The following EPB41L4A variants were observed in gnomAD, a reference collection of about 807,000 sequenced individuals.
EPB41L4A encodes the protein band 4.1-like protein 4A.
A neutral mutation model predicts 108.6 loss-of-function variants in EPB41L4A; 100 were observed. The observed-to-expected ratio is 0.92, with a 90% CI of 0.78 to 1.09. The LOEUF is 1.09. Among genes scored for constraint, EPB41L4A ranks in the 50% least tolerant of loss-of-function variants. The probability of loss-of-function intolerance (pLI) is 0.00; values close to 1 mark genes in which losing one functional copy is unlikely to be tolerated. For synonymous variants in EPB41L4A, 319 were observed against 289.0 expected, an observed-to-expected ratio of 1.10 and a Z score of -1.05; for missense variants, 1,030 against 842.7, an observed-to-expected ratio of 1.22 and a Z score of -2.75.
intron 1 of EPB41L4A, among the ~76,000 whole-genome samples, chr5:112,364,661 T>G (rs1022095078): frequency 6.6e-6 from 1 of 152,212 alleles, no homozygotes; most frequent in Non-Finnish European, 1.5e-5. Flanking sequence ...TCTAAAAAGT[T>G]TATCTGATTT....
intron 18 of EPB41L4A, among the ~76,000 whole-genome samples, chr5:112,179,891 G>A (rs572653604): frequency 1.3e-5 from 2 of 152,096 alleles, no homozygotes; most frequent in Non-Finnish European, 2.9e-5. Flanking sequence ...AAATATGATT[G>A]TAACCGCAGA....
intron 1 of EPB41L4A, among the ~76,000 whole-genome samples, chr5:112,378,901 A>G (rs555963456): frequency 1.5e-4 from 23 of 152,220 alleles, no homozygotes; most frequent in Admixed American, 2.0e-4. Flanking sequence ...AACCCACACT[A>G]TTTTTGTATC....
chr5:112,218,095 GAC>G (rs1171169150), intron 12 of EPB41L4A, among the ~76,000 whole-genome samples: 7 of 152,224 alleles, frequency 4.6e-5, no homozygotes, highest in African/African-American at 1.7e-4. Context: ...GGTACTCACA[GAC>G]AGTCCTCCTT....
chr5:112,204,430 G>A lies in EPB41L4A; in HGVS notation c.1321C>T (p.Arg441Cys), dbSNP rs773872614. Residue 441 changes from arginine (R) to cysteine (C), a missense_variant, in exon 15 of 23, where the codon CGC becomes TGC. Transcript: ENST00000261486. ...TCACTTCCACAGGAGGGGTTTCGGC[G>A]ACGCGTGTAAGGGAACTTTGGCGAC... ...TKSPKFPYTR[R>C]RNPSCGSDND... is the part of the protein sequence containing the mutation. 2.9e-5 allele frequency: 46 copies of A among 1,613,942 alleles called. No homozygotes were observed. Among genetic ancestry groups the A allele is most frequent in the East Asian group, 1.1e-4 (5 of 44,876 alleles).
chr5:112,413,795 T>A (rs908839658), intron 1 of EPB41L4A, among the ~76,000 whole-genome samples: 4 of 152,184 alleles, frequency 2.6e-5, no homozygotes, highest in Admixed American at 2.6e-4. Context: ...ATCTGGAATA[T>A]TTGGGAAACC....
chr5:112,414,436 A>G lies in EPB41L4A; in HGVS notation c.99+4505T>C, dbSNP rs138344016. Reference sequence around the variant, plus strand: ...GGAAGATCTGGCAACATCTGGGGAGATTTTTGGTTGTCATTATTGGAAAAG... The same window carrying G: ...GGAAGATCTGGCAACATCTGGGGAGGTTTTTGGTTGTCATTATTGGAAAAG... On this transcript the variant is annotated intron_variant, in intron 1 of 22. Coordinates refer to ENST00000261486, the MANE Select transcript of EPB41L4A (RefSeq NM_022140.5). Among the ~76,000 whole-genome samples the G allele has an allele frequency of 8.6e-3, 1,302 of 152,238 alleles. 24 individuals carry two copies. Among genetic ancestry groups the G allele is most frequent in the African/African-American group, 0.029 (1,219 of 41,532 alleles).
In EPB41L4A at chr5:112,418,991, G is replaced by A. The variant is rs768611621; in HGVS notation, c.49C>T (p.Leu17Phe). Residue 17 changes from leucine to phenylalanine, a missense_variant, in exon 1 of 23, where the codon CTC becomes TTC. Leu to Phe is a conservative substitution (Grantham distance 22). Coordinates refer to ENST00000261486, the MANE Select transcript of EPB41L4A (RefSeq NM_022140.5). ...VPEEFYCEVL[L>F]LDESKLTLTT... ...AGGGTTAACTTGGATTCATCCAGGAGCAAAACTTCGCAGTAAAATTCTTCC... is the reference window on the plus strand; with the variant it reads ...AGGGTTAACTTGGATTCATCCAGGAACAAAACTTCGCAGTAAAATTCTTCC... 2 of 1,613,516 alleles carry A rather than the reference G, an allele frequency of 1.2e-6. No homozygotes were observed. Among genetic ancestry groups the A allele is most frequent in the Non-Finnish European group, 1.7e-6 (2 of 1,179,748 alleles).
At chr5:112,261,404 T>C (rs1751473009) in intron 7 of EPB41L4A, among the ~76,000 whole-genome samples, 1 of 152,088 alleles carries the variant, frequency 6.6e-6, no homozygotes, top group African/African-American at 2.4e-5. Context: ...TCCAATTGAT[T>C]AAAAAAAATC....
At chr5:112,267,638 C>T (rs928333182) in intron 4 of EPB41L4A, among the ~76,000 whole-genome samples, 60 of 151,878 alleles carry the variant, frequency 4.0e-4, no homozygotes, top group Non-Finnish European at 4.1e-4. Context: ...TCTCTCCATC[C>T]CCTACACCAG....
At chr5:112,239,489 G>A (rs376945563) in intron 11 of EPB41L4A, 171 bp downstream of exon 11, 9 of 427,864 alleles carry the variant, frequency 2.1e-5, no homozygotes, top group Non-Finnish European at 3.7e-5. Context: ...AATTAAATCT[G>A]GAAAATCATG....
chr5:112,334,559 T>G (rs908506185), intron 1 of EPB41L4A, among the ~76,000 whole-genome samples: 2 of 152,174 alleles, frequency 1.3e-5, no homozygotes, highest in South Asian at 4.1e-4. Flanking sequence ...ATATAATAAT[T>G]TATCTCTGTC....
chr5:112,149,656 C>T (rs1580321773), intron 12 of EPB41L4A, among the ~76,000 whole-genome samples: 1 of 152,068 alleles, frequency 6.6e-6, no homozygotes, highest in East Asian at 1.9e-4. Context: ...TTTGTGCCTG[C>T]AATATGGCAG....
At chr5:112,327,403 C>G (rs1032588352) in intron 1 of EPB41L4A, among the ~76,000 whole-genome samples, 2 of 152,118 alleles carry the variant, frequency 1.3e-5, no homozygotes, top group Non-Finnish European at 2.9e-5. Context: ...TAAGACATAC[C>G]TGTTTCTCTT....
intron 1 of EPB41L4A, among the ~76,000 whole-genome samples, chr5:112,370,148 CTGAG>C: frequency 6.6e-6 from 1 of 152,102 alleles, no homozygotes; most frequent in Middle Eastern, 3.4e-3. Flanking sequence ...TCTCAGCCTC[CTGAG>C]TAACTGGGAT....
At chr5:112,367,814 C>A (rs1759229612) in intron 1 of EPB41L4A, among the ~76,000 whole-genome samples, 1 of 148,710 alleles carries the variant, frequency 6.7e-6, no homozygotes, top group South Asian at 2.1e-4. Flanking sequence ...TCAATAAAGT[C>A]CTCAGTACCT....
chr5:112,284,795 C>G (rs976244327), intron 2 of EPB41L4A, among the ~76,000 whole-genome samples: 1 of 152,206 alleles, frequency 6.6e-6, no homozygotes, highest in African/African-American at 2.4e-5. Flanking sequence ...GCCTGTCAAT[C>G]TTAATCACAG....
chr5:112,398,550 G>A (rs1275051243), intron 1 of EPB41L4A, among the ~76,000 whole-genome samples: 1 of 151,938 alleles, frequency 6.6e-6, no homozygotes, highest in African/African-American at 2.4e-5. Context: ...CACCACACCC[G>A]CTAATTTTTT....
Position 112,261,885 on chromosome 5 carries a change from A to ATTTTT in EPB41L4A, c.642+604_642+608dup, listed in dbSNP as rs35793398. On this transcript the variant is annotated intron_variant, in intron 7 of 22. Transcript: ENST00000261486. ...GTCTAATACAGTCAATTACACACCAATTTTTTTTTTTTTTTTTTTTTTGAG... is the reference window on the plus strand; with the variant it reads ...GTCTAATACAGTCAATTACACACCAATTTTTTTTTTTTTTTTTTTTTTTTTTTGAG... 2.8e-4 allele frequency among the ~76,000 whole-genome samples: 31 copies of ATTTTT among 112,444 alleles called. No homozygotes were observed. In the East Asian group the frequency reaches 4.4e-3, roughly 16 times the overall value. 73.8% of individuals were successfully genotyped at this position (112,444 alleles called of 152,430 possible). A position where few individuals can be genotyped will look rare whatever the true frequency, so the allele number is the denominator to read the frequency against.
intron 1 of EPB41L4A, among the ~76,000 whole-genome samples, chr5:112,335,960 C>T (rs1427609880): frequency 1.3e-5 from 2 of 152,052 alleles, no homozygotes; most frequent in Admixed American, 1.3e-4. Flanking sequence ...GAAACAGTAC[C>T]GTCCCCCAGT....
Sources: allele counts gnomAD v4.1 joint callset (sites outside exome capture counted in the v4.1 genomes callset), GRCh38; gene constraint gnomAD v4.1.1; transcripts MANE v1.5; gene names NCBI Gene and HGNC (gene_info 2026-07-23, HGNC 2026-07-21).